Variants in ROBO1 observed in about 807,000 individuals in gnomAD.
ROBO1 encodes roundabout homolog 1.
ROBO1 carries 149 observed loss-of-function variants against 195.9 expected under a neutral mutation model. The ratio of observed to expected loss-of-function variants is 0.76; its 90% CI spans 0.67 to 0.87. The LOEUF is 0.87. Ranked by LOEUF, ROBO1 falls within the 40% of genes least tolerant of loss-of-function variation. ROBO1 has a pLI of 0.00. For synonymous variants in ROBO1, 816 were observed against 733.2 expected (o/e 1.11, Z -1.82); for missense variants, 1,933 against 2,068.3 (o/e 0.93, Z 1.27).
intron 4 of ROBO1, among the ~76,000 whole-genome samples, chr3:78,847,053 T>C (rs998210899): frequency 5.9e-5 from 9 of 152,180 alleles, no homozygotes; most frequent in Middle Eastern, 3.4e-3. Flanking sequence ...AGTGCATTAA[T>C]AAAAACAATC....
chr3:79,680,474 A>G (rs1946911550), intron 1 of ROBO1, among the ~76,000 whole-genome samples: 1 of 152,042 alleles, frequency 6.6e-6, no homozygotes. Flanking sequence ...CTGGATGGGA[A>G]AGGAAAATAC....
At chr3:79,696,337 T>C (rs1340766179) in intron 1 of ROBO1, among the ~76,000 whole-genome samples, 1 of 151,068 alleles carries the variant, frequency 6.6e-6, no homozygotes, top group Admixed American at 6.6e-5. Context: ...ACTTGAAGCC[T>C]ACTTTATGTT....
intron 4 of ROBO1, among the ~76,000 whole-genome samples, chr3:78,876,600 G>C (rs1432312145): frequency 6.6e-6 from 1 of 152,096 alleles, no homozygotes; most frequent in East Asian, 1.9e-4. Context: ...AACCACATAA[G>C]AATACATGAA....
chr3:79,748,760 C>A (rs1462871123), intron 1 of ROBO1, among the ~76,000 whole-genome samples: 2 of 152,118 alleles, frequency 1.3e-5, no homozygotes, highest in African/African-American at 2.4e-5. Context: ...CCTGCACGAG[C>A]TCTTTGCTGT....
chr3:79,159,977 G>A (rs1431439027), intron 2 of ROBO1, among the ~76,000 whole-genome samples: 1 of 151,996 alleles, frequency 6.6e-6, no homozygotes, highest in Non-Finnish European at 1.5e-5. Context: ...CTATATGTCT[G>A]AGAAAAAATC....
intron 2 of ROBO1, among the ~76,000 whole-genome samples, chr3:79,424,701 T>C (rs557366426): frequency 6.6e-6 from 1 of 152,216 alleles, no homozygotes; most frequent in South Asian, 2.1e-4. Context: ...AAAGGAGTAA[T>C]ATTAAGAAGC....
At chr3:79,732,265 C>T (rs1703183959) in intron 1 of ROBO1, among the ~76,000 whole-genome samples, 1 of 151,824 alleles carries the variant, frequency 6.6e-6, no homozygotes, top group Non-Finnish European at 1.5e-5. Flanking sequence ...AATATCGTTA[C>T]ACATGACAAT....
At chr3:78,600,342 T>A (rs1201207144) in intron 29 of ROBO1, 33 bp from the exon 30 acceptor site, 1 of 1,324,180 alleles carries the variant, frequency 7.6e-7, no homozygotes, top group African/African-American at 1.5e-5. Flanking sequence ...TGCAGGTGAG[T>A]ACCATCATAC....
intron 2 of ROBO1, among the ~76,000 whole-genome samples, chr3:79,512,203 AAG>A (rs1305308081): frequency 6.6e-6 from 1 of 152,182 alleles, no homozygotes; most frequent in Non-Finnish European, 1.5e-5. Context: ...AATTATTAAA[AAG>A]AGATAACTCG....
chr3:79,597,535 T>G (rs548212176), intron 1 of ROBO1, among the ~76,000 whole-genome samples: 2 of 152,060 alleles, frequency 1.3e-5, no homozygotes, highest in Non-Finnish European at 2.9e-5. Context: ...AATTTGTTTA[T>G]GTTACATTTA....
Position 78,769,617 on chromosome 3 carries a change from G to GTTTTTTTTTT in ROBO1, c.500-22718_500-22717insAAAAAAAAAA, listed in dbSNP as rs1559836189. Reference sequence around the variant, plus strand: ...GTGCTTTTTGTTGCCAGTGTACTTTGGTTTTTTTTTTTTTTTTTTTTGCTT... The same window carrying GTTTTTTTTTT: ...GTGCTTTTTGTTGCCAGTGTACTTTGTTTTTTTTTTGTTTTTTTTTTTTTTTTTTTTGCTT... On this transcript the variant is annotated intron_variant, in intron 4 of 30. Coordinates refer to ENST00000464233, the MANE Select transcript of ROBO1 (RefSeq NM_002941.4). Among the ~76,000 whole-genome samples the GTTTTTTTTTT allele has an allele frequency of 1.5e-4, 11 of 72,938 alleles. 1 individual carries two copies. Among genetic ancestry groups the GTTTTTTTTTT allele is most frequent in the East Asian group, 3.5e-4 (1 of 2,878 alleles). The allele number at this position is 72,938 out of a possible 152,430, so 47.9% of individuals were successfully genotyped here.
intron 4 of ROBO1, among the ~76,000 whole-genome samples, chr3:78,773,424 C>T (rs942355126): frequency 3.3e-5 from 5 of 152,050 alleles, no homozygotes; most frequent in Non-Finnish European, 7.4e-5. Flanking sequence ...AAATTTCTTA[C>T]ATCAACATAC....
chr3:78,688,858 C>T, intron 8 of ROBO1, 86 bp from the exon 9 acceptor site: 11 of 1,316,830 alleles, frequency 8.4e-6, no homozygotes, highest in Middle Eastern at 1.9e-4. Context: ...CTAAGTGCTG[C>T]TGTTATTTTA....
intron 3 of ROBO1, among the ~76,000 whole-genome samples, chr3:79,066,050 A>C (rs1341766046): frequency 6.6e-6 from 1 of 151,986 alleles, no homozygotes; most frequent in Non-Finnish European, 1.5e-5. Context: ...AGTGAGCTTA[A>C]TCAGTCCATT....
At chr3:79,406,412 C>T (rs1164380491) in intron 2 of ROBO1, among the ~76,000 whole-genome samples, 1 of 151,398 alleles carries the variant, frequency 6.6e-6, no homozygotes, top group Non-Finnish European at 1.5e-5. Flanking sequence ...GACTGGGTGG[C>T]AGAGAGAGAT....
chr3:78,660,986 A>G, intron 16 of ROBO1, 44 bp downstream of exon 16: 5 of 1,299,638 alleles, frequency 3.8e-6, no homozygotes, highest in Non-Finnish European at 5.4e-6. Flanking sequence ...AATTCTAACA[A>G]ATATACTGCA....
chr3:79,565,970 A>G (rs1943076420), intron 2 of ROBO1, among the ~76,000 whole-genome samples: 1 of 152,044 alleles, frequency 6.6e-6, no homozygotes, highest in Non-Finnish European at 1.5e-5. Context: ...TCCTGGTGGA[A>G]CTCTTTGCAT....
chr3:79,630,095 A>AAAAC (rs1046640940), intron 1 of ROBO1, among the ~76,000 whole-genome samples: 1 of 152,066 alleles, frequency 6.6e-6, no homozygotes, highest in Admixed American at 6.6e-5. Flanking sequence ...AACTATTCTA[A>AAAAC]AAACAAACAA....
intron 21 of ROBO1, 30 bp from the exon 22 acceptor site, chr3:78,639,928 G>A (rs746908951): frequency 2.0e-6 from 3 of 1,486,860 alleles, no homozygotes; most frequent in African/African-American, 2.8e-5. Flanking sequence ...TAAAGCAAAT[G>A]TTATATGAAT....
Sources: allele counts gnomAD v4.1 joint callset (sites outside exome capture counted in the v4.1 genomes callset), GRCh38; gene constraint gnomAD v4.1.1; transcripts MANE v1.5; gene names NCBI Gene and HGNC (gene_info 2026-07-23, HGNC 2026-07-21).